The following ZMYM5 variants were observed in gnomAD, a reference collection of about 807,000 sequenced individuals.
ZMYM5 encodes the protein zinc finger MYM-type protein 5.
ZMYM5 carries 41 observed loss-of-function variants against 61.8 expected under a neutral mutation model. The ratio of observed to expected loss-of-function variants is 0.66; its 90% CI spans 0.52 to 0.86. ZMYM5 has a LOEUF of 0.86. ZMYM5 is among the 40% of genes least tolerant of loss of function. ZMYM5 has a pLI of 0.00. For synonymous variants in ZMYM5, 257 were observed against 276.4 expected (o/e 0.93, Z 0.70); for missense variants, 706 against 786.7 (o/e 0.90, Z 1.23).
intron 7 of ZMYM5, among the ~76,000 whole-genome samples, chr13:19,828,438 C>T (rs1260558662): frequency 6.6e-6 from 1 of 152,138 alleles, no homozygotes; most frequent in Non-Finnish European, 1.5e-5. Flanking sequence ...CGTGCCATTG[C>T]ACTCCAGCCT....
intron 7 of ZMYM5, among the ~76,000 whole-genome samples, chr13:19,828,018 C>CAAAAAA (rs66670324): frequency 3.2e-4 from 21 of 65,852 alleles, no homozygotes; most frequent in African/African-American, 8.8e-4. Context: ...GACTCCATCT[C>CAAAAAA]AAAAAAAAAA....
At chr13:19,827,761 G>A (rs186507924) in intron 7 of ZMYM5, among the ~76,000 whole-genome samples, 111 of 152,164 alleles carry the variant, frequency 7.3e-4, no homozygotes, top group Middle Eastern at 3.4e-3. Context: ...GCTGGGCACG[G>A]TGGCTCACGC....
At chr13:19,837,614 C>T (rs2138521229) in intron 6 of ZMYM5, 42 bp downstream of exon 6, 2 of 1,604,714 alleles carry the variant, frequency 1.2e-6, no homozygotes, top group Non-Finnish European at 1.7e-6. Flanking sequence ...TTAAAATTAT[C>T]ACTGTTAGCC....
intron 7 of ZMYM5, among the ~76,000 whole-genome samples, chr13:19,834,277 C>G (rs1470324298): frequency 2.0e-5 from 3 of 147,716 alleles, no homozygotes; most frequent in Non-Finnish European, 3.0e-5. Context: ...CACGTCCAGC[C>G]TATTTTTTCT....
intron 2 of ZMYM5, among the ~76,000 whole-genome samples, chr13:19,858,557 C>T (rs1414606218): frequency 8.0e-6 from 1 of 125,530 alleles, no homozygotes; most frequent in African/African-American, 2.9e-5. Flanking sequence ...GCACTCCAGC[C>T]TGGGTGACAG....
At chr13:19,862,132 T>C (rs1953790749) in intron 2 of ZMYM5, among the ~76,000 whole-genome samples, 1 of 151,984 alleles carries the variant, frequency 6.6e-6, no homozygotes, top group Non-Finnish European at 1.5e-5. Flanking sequence ...AAAGAAAAAA[T>C]TGTTAAATTC....
In ZMYM5 at chr13:19,863,456, C is replaced by T. The variant is rs1296101576; in HGVS notation, c.-85G>A. 2 of 152,770 alleles carry T rather than the reference C, an allele frequency of 1.3e-5. No homozygotes were observed. The highest frequency in any genetic ancestry group is 4.8e-5 in the African/African-American group (2 of 41,456). The allele number at this position is 152,770 out of a possible 1,614,324, so 9.5% of individuals were successfully genotyped here. ...TCTCCGCCTCCCCACTCACCTCGGCCTCCGCCTCCTCCTCCGGAGGCTGCG... is the reference window on the plus strand; with the variant it reads ...TCTCCGCCTCCCCACTCACCTCGGCTTCCGCCTCCTCCTCCGGAGGCTGCG... On this transcript the variant is annotated 5_prime_UTR_variant, in exon 1 of 8. Transcript: ENST00000337963.
chr13:19,837,770 T>A lies in ZMYM5; in HGVS notation c.924A>T (p.Lys308Asn). 1 of 1,592,426 alleles carries A rather than the reference T, an allele frequency of 6.3e-7. No homozygotes were observed. Among genetic ancestry groups the A allele is most frequent in the Non-Finnish European group, 8.5e-7 (1 of 1,175,268 alleles). The change falls in exon 6 of 8, where the codon AAA becomes AAT. Residue 308 changes from lysine to asparagine, a missense_variant. By Grantham distance (94) the Lys-to-Asn change is moderately conservative (BLOSUM62 0). Coordinates refer to ENST00000337963, the MANE Select transcript of ZMYM5 (RefSeq NM_001142684.2). ...ATGTACTATAAAATTCTTGGAAGGA[T>A]TTGCTTGATTCTACTGGAAGAATGA... ...ANVILPVESS[K>N]SFQEFYSTSC...
intron 7 of ZMYM5, among the ~76,000 whole-genome samples, chr13:19,834,174 C>T (rs184689743): frequency 5.3e-5 from 8 of 152,210 alleles, no homozygotes; most frequent in Non-Finnish European, 1.5e-5. Context: ...GACGGGGTTT[C>T]GCCACGTTGG....
chr13:19,836,892 T>C (rs750347614), intron 6 of ZMYM5, among the ~76,000 whole-genome samples: 4 of 152,310 alleles, frequency 2.6e-5, no homozygotes, highest in South Asian at 2.1e-4. Flanking sequence ...TATCACTGAA[T>C]GTTAAGCAAA....
intron 2 of ZMYM5, among the ~76,000 whole-genome samples, chr13:19,861,829 C>T (rs1057503822): frequency 6.6e-6 from 1 of 150,754 alleles, no homozygotes; most frequent in African/African-American, 2.4e-5. Context: ...AAAATGAACA[C>T]ATAGATCACT....
chr13:19,848,009 C>T (rs1224193160), intron 4 of ZMYM5, among the ~76,000 whole-genome samples: 3 of 151,496 alleles, frequency 2.0e-5, no homozygotes, highest in Non-Finnish European at 2.9e-5. Flanking sequence ...AAATTTCTGT[C>T]GCCCAGGCTG....
At chr13:19,841,112 A>C (rs965703653) in intron 4 of ZMYM5, among the ~76,000 whole-genome samples, 4 of 149,908 alleles carry the variant, frequency 2.7e-5, no homozygotes, top group Non-Finnish European at 5.9e-5. Context: ...TTACAGGAGC[A>C]CGCCACCACA....
chr13:19,831,718 T>C (rs1228383400), intron 7 of ZMYM5, among the ~76,000 whole-genome samples: 4 of 124,464 alleles, frequency 3.2e-5, no homozygotes, highest in Non-Finnish European at 6.2e-5. Context: ...GAGAATCGCT[T>C]GAAGCGGGAG....
In ZMYM5 at chr13:19,851,855, T is replaced by G. The variant is rs752153150; in HGVS notation, c.326A>C (p.Gln109Pro). ...AATTGTCTCACTTATATTTCCTTTC[T>G]GAGATGCCAAATCTCTTGAAGAAGG... ...IPPSSRDLASQKGNISETIVI... is the reference protein window; with the variant it reads ...IPPSSRDLASPKGNISETIVI... The change falls in exon 3 of 8, where the codon CAG (glutamine) becomes CCG (proline). Residue 109 changes from glutamine (Q) to proline (P), a missense_variant. This residue lies in a region of ZMYM5 where 480 missense variants were observed against 461.7 expected (regional missense o/e 1.04). Transcript: ENST00000337963. The G allele has an allele frequency of 3.1e-6, 5 of 1,612,026 alleles. No homozygotes were observed. Among genetic ancestry groups the G allele is most frequent in the Non-Finnish European group, 3.4e-6 (4 of 1,179,598 alleles).
chr13:19,847,191 C>T (rs1384916674), intron 4 of ZMYM5, among the ~76,000 whole-genome samples: 1 of 152,132 alleles, frequency 6.6e-6, no homozygotes, highest in East Asian at 1.9e-4. Context: ...TCAAGTGATC[C>T]GCCTGCCTTG....
chr13:19,838,477 G>C (rs1436454553), intron 5 of ZMYM5, among the ~76,000 whole-genome samples: 11 of 152,126 alleles, frequency 7.2e-5, no homozygotes, highest in African/African-American at 2.7e-4. Context: ...AGGGAGAGGG[G>C]CAATTGATTT....
At position 19,852,093 on chromosome 13, in the gene ZMYM5, C is replaced by T. The variant is rs202049797; in HGVS notation, c.88G>A (p.Asp30Asn). The change falls in exon 3 of 8, where the codon GAC becomes AAC. Residue 30 changes from aspartate (D) to asparagine (N), a missense_variant. By Grantham distance (23) the Asp-to-Asn change is conservative (BLOSUM62 1). Coordinates refer to ENST00000337963, the MANE Select transcript of ZMYM5 (RefSeq NM_001142684.2). ...GNMAMATSLM[D>N]IGDSFGHPAC... ...GGATGACCAAATGAATCCCCTATGT[C>T]CATGAGACTAGTTGCCATGGCCATA... 209 of 1,613,700 alleles carry T rather than the reference C, an allele frequency of 1.3e-4. No homozygotes were observed. The highest frequency in any genetic ancestry group is 8.3e-5 in the Admixed American group (5 of 59,992).
intron 4 of ZMYM5, among the ~76,000 whole-genome samples, chr13:19,841,600 C>T (rs1952880205): frequency 6.6e-6 from 1 of 151,974 alleles, no homozygotes; most frequent in Admixed American, 6.6e-5. Context: ...ATGAAACTCC[C>T]TAGAGTCAGT....
Sources: allele counts gnomAD v4.1 joint callset (sites outside exome capture counted in the v4.1 genomes callset), GRCh38; gene constraint gnomAD v4.1.1; regional missense constraint gnomAD v4.1.1; transcripts MANE v1.5; gene names NCBI Gene and HGNC (gene_info 2026-07-23, HGNC 2026-07-21).